Variants in COLEC10 observed in about 807,000 individuals in gnomAD.
The protein encoded by COLEC10 is collectin-10.
In COLEC10, 22 loss-of-function variants were observed where a neutral mutation model predicts 28.4. That is an observed-to-expected ratio of 0.78 (90% confidence interval 0.55 to 1.11). The LOEUF (loss-of-function observed/expected upper bound fraction) is 1.11. Among genes scored for constraint, COLEC10 ranks in the 50% least tolerant of loss-of-function variants. COLEC10 has a pLI of 0.00. For missense variants in COLEC10, 361 were observed against 344.1 expected, an observed-to-expected ratio of 1.05 and a Z score of -0.39; for synonymous variants, 125 against 116.1, an observed-to-expected ratio of 1.08 and a Z score of -0.49.
At chr8:119,066,012 G>A (rs899504316), upstream of COLEC10, among the ~76,000 whole-genome samples, 4 of 152,150 alleles carry the variant, frequency 2.6e-5, no homozygotes, top group East Asian at 1.9e-4. Flanking sequence ...CCACCCGGCC[G>A]CTGGTGTAAG....
the COLEC10 span, among the ~76,000 whole-genome samples, chr8:118,959,644 G>A: frequency 1.3e-5 from 2 of 152,210 alleles, no homozygotes; most frequent in Non-Finnish European, 2.9e-5. Context: ...GTCATTGCAT[G>A]AGGAGATTTT....
the COLEC10 span, among the ~76,000 whole-genome samples, chr8:118,988,296 G>A: frequency 6.8e-6 from 1 of 147,282 alleles, no homozygotes; most frequent in Non-Finnish European, 1.5e-5. Flanking sequence ...GGTGGAGACA[G>A]GGGTAGGGGA....
At chr8:119,069,763 A>T (rs771114998) in intron 1 of COLEC10, among the ~76,000 whole-genome samples, 4 of 150,498 alleles carry the variant, frequency 2.7e-5, no homozygotes, top group Admixed American at 2.0e-4. Flanking sequence ...TACAAAATTA[A>T]AAAGAATAGT....
the COLEC10 span, among the ~76,000 whole-genome samples, chr8:118,989,039 A>T: frequency 1.3e-5 from 2 of 152,238 alleles, no homozygotes; most frequent in Admixed American, 1.3e-4. Context: ...CTCAGATATG[A>T]CACAGATATA....
intron 2 of COLEC10, among the ~76,000 whole-genome samples, chr8:119,090,108 C>G (rs2130279143): frequency 6.6e-6 from 1 of 152,082 alleles, no homozygotes; most frequent in Non-Finnish European, 1.5e-5. Flanking sequence ...TTTAAGCTGG[C>G]ATAGAGCTTA....
intron 2 of COLEC10, among the ~76,000 whole-genome samples, chr8:119,027,971 T>G (rs1814223119): frequency 6.6e-6 from 1 of 152,328 alleles, no homozygotes; most frequent in South Asian, 2.1e-4. Flanking sequence ...TTGCCTAATT[T>G]CACCCTTAAT....
intron 2 of COLEC10, among the ~76,000 whole-genome samples, chr8:119,090,290 C>G (rs2242313): frequency 0.35 from 53,487 of 151,984 alleles, 11,021 homozygotes; most frequent in Non-Finnish European, 0.46. Flanking sequence ...GAGAGTAACA[C>G]AGATATGATT....
chr8:119,063,612 T>C (rs528711473), upstream of COLEC10, among the ~76,000 whole-genome samples: 1 of 152,238 alleles, frequency 6.6e-6, no homozygotes, highest in Admixed American at 6.5e-5. Context: ...GATCTCATCT[T>C]GAGACTCTTA....
At chr8:119,032,956 G>A (rs1814318231) in intron 2 of COLEC10, among the ~76,000 whole-genome samples, 1 of 152,136 alleles carries the variant, frequency 6.6e-6, no homozygotes, top group Non-Finnish European at 1.5e-5. Context: ...GCCATTGTCT[G>A]CATTTTAAAA....
At chr8:119,086,249 T>G (rs905631512) in intron 1 of COLEC10, among the ~76,000 whole-genome samples, 2 of 152,174 alleles carry the variant, frequency 1.3e-5, no homozygotes, top group Non-Finnish European at 2.9e-5. Flanking sequence ...AAAATTGAAA[T>G]TAGCTTATTT....
rs1368412999 is a variant in COLEC10, at chr8:119,006,486, ACACT to A, written n.123-2950_123-2947del. Among the ~76,000 whole-genome samples the A allele has an allele frequency of 2.0e-5, 3 of 152,090 alleles. No individual in the cohort carries two copies. The East Asian group carries it at 5.8e-4, about 29-fold the overall frequency. On this transcript the variant is annotated intron_variant and non_coding_transcript_variant, in intron 1 of 6. Transcript: ENST00000521788. ...TGTCCCTGAAACTGTTTTGTGGGAA[ACACT>A]CACTAAGAATCTATTTTAAATACCA...
the COLEC10 span, among the ~76,000 whole-genome samples, chr8:118,960,193 G>A: frequency 6.6e-6 from 1 of 152,118 alleles, no homozygotes; most frequent in African/African-American, 2.4e-5. Flanking sequence ...TAGCATGTGT[G>A]ACTCCAGCAG....
intron 2 of COLEC10, among the ~76,000 whole-genome samples, chr8:119,051,903 G>A: frequency 6.6e-6 from 1 of 152,114 alleles, no homozygotes; most frequent in East Asian, 1.9e-4. Context: ...CACCTCAATT[G>A]CTGTGCGATA....
chr8:119,004,862 C>A, intron 1 of COLEC10, among the ~76,000 whole-genome samples: 1 of 147,508 alleles, frequency 6.8e-6, no homozygotes, highest in Admixed American at 6.8e-5. Flanking sequence ...AGATTATTCT[C>A]TGTATATTCC....
intron 1 of COLEC10, among the ~76,000 whole-genome samples, chr8:119,080,137 C>T (rs1815340385): frequency 6.6e-6 from 1 of 152,104 alleles, no homozygotes; most frequent in African/African-American, 2.4e-5. Context: ...CTTTCCAAAG[C>T]CTTGCTTTGT....
intron 2 of COLEC10, among the ~76,000 whole-genome samples, chr8:119,028,687 A>G (rs558306254): frequency 1.3e-5 from 2 of 152,290 alleles, no homozygotes; most frequent in African/African-American, 4.8e-5. Context: ...CAGTCAAGCC[A>G]TATCCTGTAA....
intron 1 of COLEC10, among the ~76,000 whole-genome samples, chr8:119,007,085 A>C (rs140013198): frequency 6.6e-6 from 1 of 152,132 alleles, no homozygotes; most frequent in African/African-American, 2.4e-5. Flanking sequence ...GCAAAACTAT[A>C]AGCTGGAAAC....
chr8:118,957,594 C>A, the COLEC10 span, among the ~76,000 whole-genome samples: 1 of 152,174 alleles, frequency 6.6e-6, no homozygotes, highest in East Asian at 1.9e-4. Flanking sequence ...TCAGTTGAAT[C>A]TATGGACAGT....
intron 2 of COLEC10, among the ~76,000 whole-genome samples, chr8:119,042,051 G>A (rs1383700643): frequency 2.0e-5 from 3 of 151,726 alleles, no homozygotes; most frequent in African/African-American, 4.8e-5. Context: ...ACGCTGGAGT[G>A]CAGTGGCACA....
Sources: allele counts gnomAD v4.1 joint callset (sites outside exome capture counted in the v4.1 genomes callset), GRCh38; gene constraint gnomAD v4.1.1; transcripts MANE v1.5; gene names NCBI Gene and HGNC (gene_info 2026-07-23, HGNC 2026-07-21).